TBCE: variants seen among roughly 807,000 people sequenced by gnomAD.
TBCE encodes the protein tubulin folding cofactor E.
A neutral mutation model predicts 77.0 loss-of-function variants in TBCE; 53 were observed. The ratio of observed to expected loss-of-function variants is 0.69; its 90% CI spans 0.55 to 0.87. The LOEUF (loss-of-function observed/expected upper bound fraction) is 0.87. TBCE is among the 40% of genes least tolerant of loss of function. The pLI is 0.00. For missense variants in TBCE, 624 were observed against 622.4 expected (o/e 1.00, Z -0.03); for synonymous variants, 235 against 241.3 (o/e 0.97, Z 0.24).
chr1:235,378,430 C>T (rs1465070713), intron 1 of TBCE, among the ~76,000 whole-genome samples: 1 of 152,056 alleles, frequency 6.6e-6, no homozygotes, highest in African/African-American at 2.4e-5. Context: ...CACTATGTTG[C>T]CCAGGCTGGT....
At chr1:235,390,477 C>T (rs917347428) in intron 2 of TBCE, among the ~76,000 whole-genome samples, 11 of 152,068 alleles carry the variant, frequency 7.2e-5, no homozygotes, top group South Asian at 2.1e-4. Flanking sequence ...CTAGGCTAGA[C>T]GCAGTGGCTC....
chr1:235,402,342 G>C (rs1679165548), intron 3 of TBCE, among the ~76,000 whole-genome samples: 1 of 152,032 alleles, frequency 6.6e-6, no homozygotes, highest in African/African-American at 2.4e-5. Context: ...GATTACAGGT[G>C]TGAGCCACCA....
intron 2 of TBCE, among the ~76,000 whole-genome samples, chr1:235,390,487 C>T (rs946298129): frequency 3.9e-5 from 6 of 152,154 alleles, no homozygotes; most frequent in Non-Finnish European, 1.5e-5. Flanking sequence ...CGCAGTGGCT[C>T]ACACCTGTAG....
At chr1:235,379,221 G>T (rs1677470789) in intron 1 of TBCE, among the ~76,000 whole-genome samples, 1 of 151,916 alleles carries the variant, frequency 6.6e-6, no homozygotes, top group African/African-American at 2.4e-5. Context: ...GCTCTGTGCT[G>T]ACAACCCCTA....
chr1:235,437,243 T>TTC (rs1460505556), intron 11 of TBCE, 79 bp from the exon 12 acceptor site: 3 of 1,580,880 alleles, frequency 1.9e-6, no homozygotes, highest in Non-Finnish European at 2.6e-6. Context: ...GGGACATGCT[T>TTC]TCCTGTTGCT....
intron 7 of TBCE, chr1:235,433,254 T>G: frequency 9.0e-7 from 1 of 1,114,602 alleles, no homozygotes; most frequent in Non-Finnish European, 1.2e-6. Context: ...GGAGTCTTGC[T>G]CTGTTGCCTA....
At chr1:235,424,184 TGTGCCACC>T (rs1419429656) in intron 5 of TBCE, among the ~76,000 whole-genome samples, 1 of 152,172 alleles carries the variant, frequency 6.6e-6, no homozygotes, top group African/African-American at 2.4e-5. Context: ...CTGTGACTGC[TGTGCCACC>T]GTTTGTTCTG....
At position 235,450,235 on chromosome 1, in the gene TBCE, C is replaced by T. The variant is rs772910525; in HGVS notation, c.*1473C>T. The T allele has an allele frequency of 5.3e-5, 86 of 1,614,004 alleles. No homozygotes were observed. The Admixed American group carries it at 6.2e-4, about 12-fold the overall frequency. ...CTTGCTTGACATCGACAAGGATCAC[C>T]GCACCGTTCCTTCAGTTTCCACAGT... On this transcript the variant is annotated 3_prime_UTR_variant, in exon 17 of 17. Transcript: ENST00000642610.
At chr1:235,424,541 T>C (rs1680593729) in intron 5 of TBCE, among the ~76,000 whole-genome samples, 1 of 151,462 alleles carries the variant, frequency 6.6e-6, no homozygotes, top group Non-Finnish European at 1.5e-5. Flanking sequence ...GTTTCGTTCT[T>C]GTTGCCCAGG....
In TBCE at chr1:235,450,365, T is replaced by C; in HGVS notation, c.*1603T>C. 6.2e-7 allele frequency: 1 copy of C among 1,612,096 alleles called. No individual in the cohort carries two copies. The highest frequency in any genetic ancestry group is 2.2e-5 in the East Asian group (1 of 44,854). ...CCTGTTGAGAAACAACCAAAGCCGA[T>C]CTGAGAGTGGTGAAACTGTTTTAAG... On this transcript the variant is annotated 3_prime_UTR_variant, in exon 17 of 17. Transcript: ENST00000642610.
intron 15 of TBCE, 176 bp downstream of exon 15, chr1:235,443,087 G>A (rs970076632): frequency 1.4e-5 from 9 of 661,978 alleles, no homozygotes; most frequent in Non-Finnish European, 2.3e-5. Context: ...ACTCCCCCAT[G>A]CCCCCAAAAG....
intron 1 of TBCE, among the ~76,000 whole-genome samples, chr1:235,371,621 C>T (rs1676959289): frequency 6.6e-6 from 1 of 152,002 alleles, no homozygotes; most frequent in African/African-American, 2.4e-5. Flanking sequence ...GTTGATCCAC[C>T]CACCTCTGCC....
At chr1:235,413,395 C>T (rs1280103414) in intron 3 of TBCE, among the ~76,000 whole-genome samples, 1 of 150,886 alleles carries the variant, frequency 6.6e-6, no homozygotes, top group Non-Finnish European at 1.5e-5. Flanking sequence ...GGCGTGGTGG[C>T]TCACGCCTGT....
chr1:235,422,287 G>T (rs1008381666), intron 5 of TBCE, among the ~76,000 whole-genome samples: 3 of 152,202 alleles, frequency 2.0e-5, no homozygotes, highest in Non-Finnish European at 4.4e-5. Flanking sequence ...CAAGGCGGGT[G>T]GATCACCTGA....
intron 2 of TBCE, among the ~76,000 whole-genome samples, chr1:235,397,047 T>C (rs1382970825): frequency 6.6e-6 from 1 of 152,078 alleles, no homozygotes; most frequent in African/African-American, 2.4e-5. Context: ...CCATCTTGGC[T>C]CACTGCAACC....
In TBCE at chr1:235,370,738, GTCTTT is replaced by G. The variant is rs768110455; in HGVS notation, c.-32+3241_-32+3245del. Among the ~76,000 whole-genome samples the G allele has an allele frequency of 1.0e-3, 28 of 27,182 alleles. No homozygotes were observed. In the East Asian group the frequency reaches 0.016, roughly 15 times the overall value. The allele number at this position is 27,182 out of a possible 152,430, so 17.8% of individuals were successfully genotyped here. On this transcript the variant is annotated intron_variant, in intron 1 of 16. Transcript: ENST00000642610. ...ATATTTTTATGCTTTTTTCCTCCTT[GTCTTT>G]TCTTTTTTTTTTTTTTGAGATGGAG...
rs1422521236 is a variant in TBCE at position 235,438,864 on chromosome 1, A to T, written c.1212A>T (p.Lys404Asn). 5.0e-6 allele frequency: 8 copies of T among 1,614,034 alleles called. No homozygotes were observed. The African/African-American group carries it at 1.1e-4, about 22-fold the overall frequency. Residue 404 changes from lysine to asparagine, a missense_variant, in exon 13 of 17, where the codon AAA (lysine) becomes AAT (asparagine). Coordinates refer to ENST00000642610, the MANE Select transcript of TBCE (RefSeq NM_003193.5). ...CTGGTGGACATAAGGATCCGGAAAA[A>T]AACAGACTCAGCGAAGAATTCCTCA... ...KQAGGHKDPE[K>N]NRLSEEFLTA...
chr1:235,373,371 C>T (rs1449286899), intron 1 of TBCE, among the ~76,000 whole-genome samples: 1 of 151,918 alleles, frequency 6.6e-6, no homozygotes, highest in African/African-American at 2.4e-5. Flanking sequence ...TTTGGAATTT[C>T]TTTCATTGCA....
chr1:235,392,793 G>A (rs537892698), intron 2 of TBCE, among the ~76,000 whole-genome samples: 1 of 152,152 alleles, frequency 6.6e-6, no homozygotes, highest in Admixed American at 6.6e-5. Flanking sequence ...TTAGTCCAAA[G>A]TGGTGTCCAT....
Sources: allele counts gnomAD v4.1 joint callset (sites outside exome capture counted in the v4.1 genomes callset), GRCh38; gene constraint gnomAD v4.1.1; transcripts MANE v1.5; gene names NCBI Gene and HGNC (gene_info 2026-07-23, HGNC 2026-07-21).